The following NCKAP5 variants were observed in gnomAD, a reference collection of about 807,000 sequenced individuals.
NCKAP5 encodes NCK associated protein 5, also known as nck-associated protein 5.
Under a neutral mutation model 167.0 loss-of-function variants are expected in NCKAP5, and 92 were observed. The ratio of observed to expected loss-of-function variants is 0.55; its 90% CI spans 0.47 to 0.66. The LOEUF is 0.66. Among genes scored for constraint, NCKAP5 ranks in the 30% least tolerant of loss-of-function variants. The pLI is 0.00. For missense variants in NCKAP5, 2,378 were observed against 2,315.0 expected (o/e 1.03, Z -0.56); for synonymous variants, 891 against 877.4 (o/e 1.02, Z -0.27).
intron 3 of NCKAP5, among the ~76,000 whole-genome samples, chr2:133,437,506 G>C (rs1318128727): frequency 1.3e-5 from 2 of 152,194 alleles, no homozygotes; most frequent in Non-Finnish European, 2.9e-5. Flanking sequence ...CGTGATTTTA[G>C]AGAGTAAACT....
chr2:133,156,654 T>C (rs983404254), intron 5 of NCKAP5, among the ~76,000 whole-genome samples: 1 of 152,186 alleles, frequency 6.6e-6, no homozygotes, highest in African/African-American at 2.4e-5. Flanking sequence ...CCTTCCCGTT[T>C]CCACAACTCT....
chr2:132,916,485 G>A (rs1694889877), intron 8 of NCKAP5, among the ~76,000 whole-genome samples: 1 of 152,078 alleles, frequency 6.6e-6, no homozygotes, highest in African/African-American at 2.4e-5. Flanking sequence ...GGCTTGTACT[G>A]TAGGATCCCA....
intron 2 of NCKAP5, among the ~76,000 whole-genome samples, chr2:133,522,584 A>G (rs1684561377): frequency 6.6e-6 from 1 of 152,222 alleles, no homozygotes; most frequent in African/African-American, 2.4e-5. Flanking sequence ...TGCATAGCAC[A>G]TGAAGAACAT....
rs570091448 is a variant in NCKAP5, at chr2:133,463,541, G to A, written c.69+53917C>T. ...AACTGCCATGGAATATGTAATCATT[G>A]AAGGCATGAGAACTACTTGAAATAA... On this transcript the variant is annotated intron_variant, in intron 3 of 19. Coordinates refer to ENST00000409261, the MANE Select transcript of NCKAP5 (RefSeq NM_207363.3). Among the ~76,000 whole-genome samples the A allele has an allele frequency of 2.0e-5, 3 of 152,240 alleles. No homozygotes were observed. In the South Asian group the frequency reaches 6.2e-4, roughly 32 times the overall value.
At chr2:132,712,638 T>C (rs976057439) in intron 19 of NCKAP5, among the ~76,000 whole-genome samples, 2 of 151,112 alleles carry the variant, frequency 1.3e-5, no homozygotes, top group Non-Finnish European at 2.9e-5. Context: ...GGCAACAGAG[T>C]GAGATTCTGT....
intron 3 of NCKAP5, among the ~76,000 whole-genome samples, chr2:133,331,056 G>T (rs1157472078): frequency 6.6e-6 from 1 of 152,122 alleles, no homozygotes; most frequent in Non-Finnish European, 1.5e-5. Context: ...GTGTGCAAAA[G>T]TATGTGTGTG....
chr2:132,995,334 T>C (rs547610973), intron 6 of NCKAP5, among the ~76,000 whole-genome samples: 45 of 152,210 alleles, frequency 3.0e-4, no homozygotes, highest in Non-Finnish European at 5.3e-4. Flanking sequence ...CCTTAGTATA[T>C]AAGTTTTTAA....
Position 133,203,039 on chromosome 2 carries a change from G to A in NCKAP5, c.207+10677C>T, listed in dbSNP as rs181690593. ...ATTTGACCCAGCCATCCCATTTCTG[G>A]GTATATACCCAGAGGATTATAAATC... On this transcript the variant is annotated intron_variant, in intron 5 of 19. Coordinates refer to ENST00000409261, the MANE Select transcript of NCKAP5 (RefSeq NM_207363.3). Among the ~76,000 whole-genome samples the A allele has an allele frequency of 1.1e-3, 161 of 152,178 alleles. 1 individual carries two copies. The highest frequency in any genetic ancestry group is 6.8e-3 in the Middle Eastern group (2 of 294).
intron 3 of NCKAP5, among the ~76,000 whole-genome samples, chr2:133,445,102 A>C (rs1396184015): frequency 6.6e-6 from 1 of 152,214 alleles, no homozygotes; most frequent in Non-Finnish European, 1.5e-5. Context: ...TTATACTAAA[A>C]AGGGGCAAGT....
At chr2:132,847,507 T>C (rs1003527803) in intron 11 of NCKAP5, among the ~76,000 whole-genome samples, 1 of 152,204 alleles carries the variant, frequency 6.6e-6, no homozygotes, top group Non-Finnish European at 1.5e-5. Context: ...TATATTGTTT[T>C]CCTTAGAATC....
chr2:132,953,633 G>C (rs2076259809), intron 8 of NCKAP5, among the ~76,000 whole-genome samples: 1 of 151,688 alleles, frequency 6.6e-6, no homozygotes, highest in Admixed American at 6.6e-5. Context: ...GTGTGCTAGA[G>C]AGAAGACAGA....
At chr2:133,153,642 C>T (rs896051866) in intron 5 of NCKAP5, among the ~76,000 whole-genome samples, 11 of 151,984 alleles carry the variant, frequency 7.2e-5, no homozygotes, top group African/African-American at 2.7e-4. Context: ...AAGCCCTCAC[C>T]CATCAATCCA....
At chr2:132,859,526 T>A (rs1223780976) in intron 11 of NCKAP5, among the ~76,000 whole-genome samples, 2 of 152,194 alleles carry the variant, frequency 1.3e-5, no homozygotes, top group African/African-American at 4.8e-5. Context: ...AAACTTAATT[T>A]TAATTTAATT....
chr2:133,015,324 A>G (rs925729508), intron 6 of NCKAP5, among the ~76,000 whole-genome samples: 1 of 151,518 alleles, frequency 6.6e-6, no homozygotes, highest in Non-Finnish European at 1.5e-5. Flanking sequence ...CCTCTTCAAG[A>G]GTTGTCATTT....
chr2:133,373,947 G>A (rs929742869), intron 3 of NCKAP5, among the ~76,000 whole-genome samples: 1 of 152,192 alleles, frequency 6.6e-6, no homozygotes, highest in South Asian at 2.1e-4. Flanking sequence ...AGATTTAAAT[G>A]TAAAACACAG....
intron 6 of NCKAP5, among the ~76,000 whole-genome samples, chr2:133,071,394 G>A (rs1056232719): frequency 1.1e-4 from 16 of 152,136 alleles, no homozygotes; most frequent in African/African-American, 2.2e-4. Flanking sequence ...GCAGTGAGCC[G>A]AGATCCCGCC....
At chr2:133,611,723 G>A in the NCKAP5 span, among the ~76,000 whole-genome samples, 1 of 152,118 alleles carries the variant, frequency 6.6e-6, no homozygotes, top group African/African-American at 2.4e-5. Context: ...CAGGCCATTG[G>A]AAGTCCCTCA....
intron 4 of NCKAP5, among the ~76,000 whole-genome samples, chr2:133,226,782 C>A (rs923851839): frequency 6.6e-6 from 1 of 152,138 alleles, no homozygotes; most frequent in African/African-American, 2.4e-5. Context: ...CTTGTCAATG[C>A]ATCTTGGACT....
chr2:132,672,713 T>G lies in NCKAP5; in HGVS notation c.*576A>C, dbSNP rs1683898577. 1 of 153,390 alleles carries G rather than the reference T, an allele frequency of 6.5e-6. No homozygotes were observed. The allele number at this position is 153,390 out of a possible 1,614,324, so 9.5% of individuals were successfully genotyped here. ...GATTCCATTTATTGCTGTCTTTTTT[T>G]GCTACAAATATAATTTCTCTTCCAA... On this transcript the variant is annotated 3_prime_UTR_variant, in exon 20 of 20. Coordinates refer to ENST00000409261, the MANE Select transcript of NCKAP5 (RefSeq NM_207363.3).
Sources: gnomAD v4.1 joint callset for allele counts (sites outside exome capture counted in the v4.1 genomes callset) on GRCh38, gnomAD v4.1.1 for gene constraint, MANE v1.5 for transcripts, NCBI Gene and HGNC (gene_info 2026-07-23, HGNC 2026-07-21) for gene names.